The following SLC5A8 variants were observed in gnomAD, a reference collection of about 807,000 sequenced individuals.
SLC5A8 encodes solute carrier family 5 member 8, also known as sodium-coupled monocarboxylate transporter 1.
A neutral mutation model predicts 71.9 loss-of-function variants in SLC5A8; 55 were observed. That is an observed-to-expected ratio of 0.77 (90% CI 0.62 to 0.96). The LOEUF is 0.96. Ranked by LOEUF, SLC5A8 falls within the 40% of genes least tolerant of loss-of-function variation. SLC5A8 has a pLI of 0.00. For missense variants in SLC5A8, 701 were observed against 745.3 expected (o/e 0.94, Z 0.69); for synonymous variants, 307 against 276.1 (o/e 1.11, Z -1.11).
At chr12:101,199,082 A>G (rs1434917077) in intron 3 of SLC5A8, among the ~76,000 whole-genome samples, 3 of 151,986 alleles carry the variant, frequency 2.0e-5, no homozygotes. Context: ...ATCAACATAT[A>G]AAAGTCAGTT....
intron 13 of SLC5A8, among the ~76,000 whole-genome samples, chr12:101,158,548 GAGTC>G (rs1454537976): frequency 1.2e-5 from 1 of 80,108 alleles, no homozygotes; most frequent in African/African-American, 4.4e-5. Context: ...TAATAAATAT[GAGTC>G]TCTCTCTCTC....
intron 14 of SLC5A8, among the ~76,000 whole-genome samples, chr12:101,157,774 A>G (rs2051680366): frequency 1.3e-5 from 2 of 152,208 alleles, no homozygotes; most frequent in South Asian, 4.1e-4. Context: ...TACAATAGAT[A>G]TAGATTATCA....
intron 4 of SLC5A8, among the ~76,000 whole-genome samples, chr12:101,194,084 T>C (rs2137159511): frequency 6.6e-6 from 1 of 152,218 alleles, no homozygotes; most frequent in East Asian, 1.9e-4. Context: ...CAGAATAAAG[T>C]GGAGTGGTGT....
chr12:101,161,867 C>A (rs2051725974), intron 13 of SLC5A8, 107 bp downstream of exon 13: 1 of 797,458 alleles, frequency 1.3e-6, no homozygotes, highest in South Asian at 1.7e-5. Flanking sequence ...AATAATTAAA[C>A]TAGTTGGCAA....
intron 12 of SLC5A8, among the ~76,000 whole-genome samples, chr12:101,163,104 T>C (rs1402760355): frequency 1.3e-5 from 2 of 152,152 alleles, no homozygotes; most frequent in African/African-American, 4.8e-5. Flanking sequence ...TGAGGCACAG[T>C]GAGCAAGACA....
chr12:101,200,009 CAAAAAAAAAAAAAAAAAAAAA>C (rs1182463470), intron 3 of SLC5A8, among the ~76,000 whole-genome samples: 2 of 9,612 alleles, frequency 2.1e-4, no homozygotes, highest in African/African-American at 3.6e-4. Flanking sequence ...GTACTACCAG[CAAAAAAAAAAAAAAAAAAAAA>C]AAAAAAAAAA....
intron 2 of SLC5A8, among the ~76,000 whole-genome samples, chr12:101,204,251 A>G (rs751495164): frequency 8.5e-5 from 13 of 152,168 alleles, no homozygotes; most frequent in Non-Finnish European, 5.9e-5. Context: ...ATATTTTCCG[A>G]CTGTTGCTTT....
chr12:101,208,756 C>A (rs1346431224), intron 1 of SLC5A8, among the ~76,000 whole-genome samples: 1 of 152,214 alleles, frequency 6.6e-6, no homozygotes, highest in African/African-American at 2.4e-5. Flanking sequence ...ACAACTAGCA[C>A]CACCACAGTA....
At chr12:101,182,153 TGAACA>T (rs1254206427) in intron 9 of SLC5A8, among the ~76,000 whole-genome samples, 3 of 152,212 alleles carry the variant, frequency 2.0e-5, no homozygotes, top group Non-Finnish European at 2.9e-5. Context: ...GCTCTACGAT[TGAACA>T]GAACAGAAGT....
At chr12:101,204,426 G>T in intron 2 of SLC5A8, 74 bp downstream of exon 2, 1 of 1,283,346 alleles carries the variant, frequency 7.8e-7, no homozygotes, top group Non-Finnish European at 1.1e-6. Context: ...TGATTCCCAG[G>T]TAAGCTTAAT....
chr12:101,189,351 G>A (rs1868801928), intron 6 of SLC5A8, among the ~76,000 whole-genome samples: 1 of 152,076 alleles, frequency 6.6e-6, no homozygotes, highest in Non-Finnish European at 1.5e-5. Context: ...TTTTCACTGT[G>A]AGTTCTTCAA....
At chr12:101,200,009 CAAAAAAAAAAAAAAAAAAAA>C (rs1182463470) in intron 3 of SLC5A8, among the ~76,000 whole-genome samples, 3 of 9,640 alleles carry the variant, frequency 3.1e-4, no homozygotes, top group Non-Finnish European at 6.0e-4. Flanking sequence ...GTACTACCAG[CAAAAAAAAAAAAAAAAAAAA>C]AAAAAAAAAA....
intron 1 of SLC5A8, among the ~76,000 whole-genome samples, chr12:101,206,989 T>C (rs528792682): frequency 6.6e-6 from 1 of 152,218 alleles, no homozygotes; most frequent in Non-Finnish European, 1.5e-5. Flanking sequence ...TGAGCAAGAA[T>C]GCCAGGGTAT....
chr12:101,187,500 A>G lies in SLC5A8; in HGVS notation c.849T>C (p.Asn283=), dbSNP rs375667093. 8 of 1,612,978 alleles carry G rather than the reference A, an allele frequency of 5.0e-6. No homozygotes were observed. In the African/African-American group the frequency reaches 1.1e-4, roughly 22 times the overall value. ...RFQAKLSLYI[N]LVGLWAILTC... ...TGAGGATTGCCCAGAGTCCCACAAG[A>G]TTGATGTAGAGAGACCTAAAGAAGT... Residue 283 remains asparagine, a synonymous_variant, in exon 7 of 15, where the codon AAT becomes AAC. Coordinates refer to ENST00000536262, the MANE Select transcript of SLC5A8 (RefSeq NM_145913.5).
chr12:101,195,375 C>T (rs891710681), intron 3 of SLC5A8, among the ~76,000 whole-genome samples: 9 of 152,180 alleles, frequency 5.9e-5, no homozygotes, highest in Admixed American at 5.9e-4. Flanking sequence ...CTCAGACACA[C>T]AGATCTGACA....
chr12:101,195,161 G>T lies in SLC5A8; in HGVS notation c.471C>A (p.Val157=), dbSNP rs745588906. The change falls in exon 4 of 15, where the codon GTC becomes GTA. Residue 157 remains valine, a splice_region_variant and synonymous_variant. Transcript: ENST00000536262. ...CCGCGCCCCACAGATCAAATCCTGT[G>T]ACTGTAGAAAAAAATAGAATGCATA... is the stretch of plus-strand genomic sequence containing the variant. The part of the protein sequence containing the change: ...IYAPALALNQ[V]TGFDLWGAVV... 1.2e-6 allele frequency: 2 copies of T among 1,613,866 alleles called. No individual in the cohort carries two copies. Among genetic ancestry groups the T allele is most frequent in the Admixed American group, 1.7e-5 (1 of 59,998 alleles).
At chr12:101,158,518 G>A (rs569961669) in intron 13 of SLC5A8, among the ~76,000 whole-genome samples, 190 bp from the exon 14 acceptor site, 4 of 132,844 alleles carry the variant, frequency 3.0e-5, no homozygotes, top group African/African-American at 1.1e-4. Flanking sequence ...TTAGCCCCAG[G>A]TCTTGAAAGC....
intron 6 of SLC5A8, among the ~76,000 whole-genome samples, chr12:101,188,289 T>C (rs1374385988): frequency 1.3e-5 from 2 of 152,204 alleles, no homozygotes; most frequent in African/African-American, 2.4e-5. Flanking sequence ...ATACTAGTTA[T>C]TGATATTAGT....
At chr12:101,180,988 C>CA (rs1203542365) in intron 9 of SLC5A8, among the ~76,000 whole-genome samples, 2 of 151,838 alleles carry the variant, frequency 1.3e-5, no homozygotes, top group Non-Finnish European at 1.5e-5. Flanking sequence ...AAATATCATG[C>CA]AAAAAAACCC....
Sources: gnomAD v4.1 joint callset for allele counts (sites outside exome capture counted in the v4.1 genomes callset) on GRCh38, gnomAD v4.1.1 for gene constraint, MANE v1.5 for transcripts, NCBI Gene and HGNC (gene_info 2026-07-23, HGNC 2026-07-21) for gene names.